The following JAM3 variants were observed in gnomAD, a reference collection of about 807,000 sequenced individuals.
The protein encoded by JAM3 is junctional adhesion molecule C.
Under a neutral mutation model 39.4 loss-of-function variants are expected in JAM3, and 31 were observed. That is an observed-to-expected ratio of 0.79 (90% confidence interval 0.59 to 1.06). The LOEUF (loss-of-function observed/expected upper bound fraction) is 1.06. Ranked by LOEUF, JAM3 falls within the 50% of genes least tolerant of loss-of-function variation. JAM3 has a pLI of 0.00. For missense variants in JAM3, 455 were observed against 391.4 expected, an observed-to-expected ratio of 1.16 and a Z score of -1.37; for synonymous variants, 182 against 148.7, an observed-to-expected ratio of 1.22 and a Z score of -1.63.
chr11:134,106,124 C>G (rs879600329), intron 1 of JAM3, among the ~76,000 whole-genome samples: 6 of 152,050 alleles, frequency 3.9e-5, no homozygotes, highest in Non-Finnish European at 7.4e-5. Flanking sequence ...GTAACCAAAA[C>G]AGCATGGTAC....
chr11:134,135,763 A>C (rs1333915301), intron 1 of JAM3, among the ~76,000 whole-genome samples: 1 of 152,018 alleles, frequency 6.6e-6, no homozygotes, highest in African/African-American at 2.4e-5. Context: ...GTATATAATA[A>C]GAGATAAATA....
chr11:134,120,793 A>T (rs1942516682), intron 1 of JAM3, among the ~76,000 whole-genome samples: 1 of 152,266 alleles, frequency 6.6e-6, no homozygotes, highest in Admixed American at 6.5e-5. Context: ...ATCCATCAAA[A>T]TGAGCCAGGC....
rs532299592 is a variant in JAM3 at position 134,136,168 on chromosome 11, T to C, written c.77-3683T>C. 4.6e-5 allele frequency among the ~76,000 whole-genome samples: 7 copies of C among 152,254 alleles called. No homozygotes were observed. The East Asian group carries it at 1.3e-3, about 29-fold the overall frequency. On this transcript the variant is annotated intron_variant, in intron 1 of 8. Coordinates refer to ENST00000299106, the MANE Select transcript of JAM3 (RefSeq NM_032801.5). ...AGGAAATTGAATAGGAATAACAGCA[T>C]TTGACAAATTAGCAGTTTTCCTTTT... is the stretch of plus-strand genomic sequence containing the variant.
Position 134,151,366 on chromosome 11 carries a change from T to C in JAM3, c.*2185T>C, listed in dbSNP as rs1241199874. 1 of 152,146 alleles carries C rather than the reference T, an allele frequency of 6.6e-6. No individual in the cohort carries two copies. Among genetic ancestry groups the C allele is most frequent in the Non-Finnish European group, 1.5e-5 (1 of 68,028 alleles). The allele number at this position is 152,146 out of a possible 1,614,324, so 9.4% of individuals were successfully genotyped here. A position where few individuals can be genotyped will look rare whatever the true frequency, so the allele number is the denominator to read the frequency against. On this transcript the variant is annotated 3_prime_UTR_variant, in exon 9 of 9. Transcript: ENST00000299106. ...GCAAGTTCCCTCCATCATTGCCACC[T>C]TGGTAGAGAGGGATGGCTCCCCACC...
chr11:134,139,834 T>G lies in JAM3; in HGVS notation c.77-17T>G. 9 of 1,609,176 alleles carry G rather than the reference T, an allele frequency of 5.6e-6. No homozygotes were observed. Among genetic ancestry groups the G allele is most frequent in the Non-Finnish European group, 7.7e-6 (9 of 1,175,486 alleles). ...TGAGATACATTGTCTCTGATTTTAC[T>G]TTTCTTTCTCCTTCAGGCTGCCTGA... On this transcript the variant is annotated splice_polypyrimidine_tract_variant and intron_variant, in intron 1 of 8. Transcript: ENST00000299106.
chr11:134,101,806 C>T (rs978230127), intron 1 of JAM3, among the ~76,000 whole-genome samples: 3 of 152,074 alleles, frequency 2.0e-5, no homozygotes, highest in Admixed American at 1.3e-4. Context: ...TAAGCTCATG[C>T]CTGTAATCCT....
At chr11:134,087,177 A>G (rs1420866506) in intron 1 of JAM3, among the ~76,000 whole-genome samples, 1 of 152,080 alleles carries the variant, frequency 6.6e-6, no homozygotes, top group Admixed American at 6.6e-5. Flanking sequence ...TCCTGAGATT[A>G]TTGTGCCATG....
chr11:134,120,617 A>G lies in JAM3; in HGVS notation c.77-19234A>G, dbSNP rs140178656. On this transcript the variant is annotated intron_variant, in intron 1 of 8. Transcript: ENST00000299106. ...CTCCCAGTGCCCCAGCATTCTGTTC[A>G]TGAGTCAACAAGTCTGCTCTGCTAT... Among the ~76,000 whole-genome samples, 286 of 152,314 alleles carry G rather than the reference A, an allele frequency of 1.9e-3. 5 individuals carry two copies. The South Asian group carries it at 0.027, about 14-fold the overall frequency.
At chr11:134,121,336 G>A (rs373253245) in intron 1 of JAM3, among the ~76,000 whole-genome samples, 225 of 152,336 alleles carry the variant, frequency 1.5e-3, no homozygotes, top group African/African-American at 5.2e-3. Context: ...AATTAGGAAA[G>A]GGAAGGGGAA....
At chr11:134,139,029 T>C (rs1308155397) in intron 1 of JAM3, among the ~76,000 whole-genome samples, 2 of 152,166 alleles carry the variant, frequency 1.3e-5, no homozygotes, top group Non-Finnish European at 2.9e-5. Flanking sequence ...AGGCCTTCTT[T>C]GGGGATGGCA....
At chr11:134,149,033 C>T in intron 8 of JAM3, 113 bp from the exon 9 acceptor site, 5 of 1,324,884 alleles carry the variant, frequency 3.8e-6, no homozygotes, top group Non-Finnish European at 5.4e-6. Flanking sequence ...AGTGATGGTA[C>T]TTTTTAAGAA....
chr11:134,142,590 A>T (rs1420609362), intron 3 of JAM3, among the ~76,000 whole-genome samples: 2 of 152,044 alleles, frequency 1.3e-5, no homozygotes, highest in Non-Finnish European at 2.9e-5. Flanking sequence ...TGCTTCTTTG[A>T]AAGTGTTATT....
At chr11:134,102,737 T>C (rs1366097203) in intron 1 of JAM3, among the ~76,000 whole-genome samples, 1 of 152,168 alleles carries the variant, frequency 6.6e-6, no homozygotes, top group African/African-American at 2.4e-5. Flanking sequence ...TAGTAGCTGA[T>C]TCAATCAACT....
chr11:134,107,788 A>G (rs1942224803), intron 1 of JAM3, among the ~76,000 whole-genome samples: 1 of 152,130 alleles, frequency 6.6e-6, no homozygotes, highest in Non-Finnish European at 1.5e-5. Context: ...GCTTGGTCCC[A>G]GGAAATTGAG....
At chr11:134,112,620 T>C (rs1369284033) in intron 1 of JAM3, among the ~76,000 whole-genome samples, 2 of 152,200 alleles carry the variant, frequency 1.3e-5, no homozygotes, top group Admixed American at 1.3e-4. Flanking sequence ...TGAACTTTTA[T>C]TAACATATTC....
Position 134,149,624 on chromosome 11 carries a change from G to A in JAM3, c.*443G>A, listed in dbSNP as rs773032919. On this transcript the variant is annotated 3_prime_UTR_variant, in exon 9 of 9. Transcript: ENST00000299106. ...AGCAGCGCATCCCGGCGGGAACCCA[G>A]AAAAGGCTTCTTACACAGCAGCCTT... The A allele has an allele frequency of 4.3e-6, 2 of 461,548 alleles. No homozygotes were observed. Among genetic ancestry groups the A allele is most frequent in the East Asian group, 6.8e-5 (1 of 14,720 alleles). The allele number at this position is 461,548 out of a possible 1,614,324, so 28.6% of individuals were successfully genotyped here.
chr11:134,088,948 T>C (rs754350409), intron 1 of JAM3, among the ~76,000 whole-genome samples: 1 of 152,084 alleles, frequency 6.6e-6, no homozygotes, highest in Non-Finnish European at 1.5e-5. Context: ...TGCCACCACG[T>C]TGGGCAACAT....
intron 1 of JAM3, among the ~76,000 whole-genome samples, chr11:134,097,152 G>A (rs192220212): frequency 1.5e-3 from 221 of 152,248 alleles, no homozygotes; most frequent in African/African-American, 4.6e-3. Context: ...CTTAGGGTGA[G>A]GGGAAACACC....
At chr11:134,145,900 G>A (rs1346608715) in intron 5 of JAM3, 46 bp from the exon 6 acceptor site, 11 of 1,310,754 alleles carry the variant, frequency 8.4e-6, no homozygotes, top group Middle Eastern at 1.8e-4. Context: ...CTCAGAAATC[G>A]GCCCCATGAT....
Sources: allele counts gnomAD v4.1 joint callset (sites outside exome capture counted in the v4.1 genomes callset), GRCh38; gene constraint gnomAD v4.1.1; transcripts MANE v1.5; gene names NCBI Gene and HGNC (gene_info 2026-07-23, HGNC 2026-07-21).